The following TCEA3 variants were observed in gnomAD, a reference collection of about 807,000 sequenced individuals.
TCEA3 encodes transcription elongation factor A3, also known as transcription elongation factor A protein 3.
Under a neutral mutation model 44.0 loss-of-function variants are expected in TCEA3, and 36 were observed. The observed-to-expected ratio is 0.82, with a 90% CI of 0.63 to 1.08. The LOEUF (loss-of-function observed/expected upper bound fraction) is 1.08, where lower values mean the gene tolerates loss of function less well. Ranked by LOEUF, TCEA3 falls within the 50% of genes least tolerant of loss-of-function variation. The pLI, the probability that TCEA3 is intolerant of heterozygous loss-of-function variation, is 0.00. For synonymous variants in TCEA3, 162 were observed against 159.7 expected, an observed-to-expected ratio of 1.01 and a Z score of -0.11; for missense variants, 392 against 441.2, an observed-to-expected ratio of 0.89 and a Z score of 1.00.
At position 23,402,760 on chromosome 1, in the gene TCEA3, C is replaced by T. The variant is rs1343678917; in HGVS notation, c.444-4805G>A. Among the ~76,000 whole-genome samples, 4 of 152,142 alleles carry T rather than the reference C, an allele frequency of 2.6e-5. No homozygotes were observed. The South Asian group carries it at 6.2e-4, about 24-fold the overall frequency. On this transcript the variant is annotated intron_variant, in intron 5 of 10. Coordinates refer to ENST00000450454, the MANE Select transcript of TCEA3 (RefSeq NM_003196.3). ...GATTACAGGCTCCAGAGTATTGGGA[C>T]CCTGTCACGGGTTCACCACTGCATT...
At chr1:23,416,677 A>G (rs1639897802) in intron 4 of TCEA3, among the ~76,000 whole-genome samples, 1 of 151,942 alleles carries the variant, frequency 6.6e-6, no homozygotes, top group African/African-American at 2.4e-5. Context: ...TTTTTTGTAG[A>G]GGCGGAGTTT....
chr1:23,396,824 C>T (rs983344776), intron 7 of TCEA3, among the ~76,000 whole-genome samples: 10 of 151,892 alleles, frequency 6.6e-5, no homozygotes, highest in African/African-American at 1.9e-4. Flanking sequence ...TGACCAACAT[C>T]GTGAAACCCC....
chr1:23,384,534 C>A lies in TCEA3; in HGVS notation c.967-117G>T, dbSNP rs1004916245. The A allele has an allele frequency of 7.5e-5, 77 of 1,029,270 alleles. 1 individual carries two copies. The highest frequency in any genetic ancestry group is 4.6e-4 in the South Asian group (27 of 59,196). The allele number at this position is 1,029,270 out of a possible 1,614,324, so 63.8% of individuals were successfully genotyped here. ...GAGGTTGGCACTGAGATTCCCACCC[C>A]CCGCTGGCAATTTCCTTATCACTGA... On this transcript the variant is annotated intron_variant, in intron 9 of 10. Transcript: ENST00000450454.
At chr1:23,415,784 T>C (rs1347044553) in intron 4 of TCEA3, among the ~76,000 whole-genome samples, 3 of 152,170 alleles carry the variant, frequency 2.0e-5, no homozygotes, top group Admixed American at 6.5e-5. Flanking sequence ...TAGGATACAC[T>C]TGCAAAATGA....
intron 1 of TCEA3, among the ~76,000 whole-genome samples, chr1:23,420,023 C>T (rs1259015605): frequency 6.6e-6 from 1 of 152,188 alleles, no homozygotes; most frequent in Non-Finnish European, 1.5e-5. Flanking sequence ...TCTAATCCAT[C>T]CCTCCCCATC....
intron 5 of TCEA3, among the ~76,000 whole-genome samples, chr1:23,399,162 A>ATG (rs1639318771): frequency 1.6e-5 from 2 of 124,384 alleles, no homozygotes; most frequent in African/African-American, 6.5e-5. Context: ...ATATATATAT[A>ATG]TATATATATA....
At chr1:23,393,244 A>G (rs1401056841) in intron 8 of TCEA3, among the ~76,000 whole-genome samples, 1 of 152,154 alleles carries the variant, frequency 6.6e-6, no homozygotes, top group Non-Finnish European at 1.5e-5. Context: ...GTAAATACAG[A>G]TGAAGCTTCG....
intron 4 of TCEA3, chr1:23,410,946 G>A (rs1449940468): frequency 5.6e-6 from 1 of 178,238 alleles, no homozygotes; most frequent in Non-Finnish European, 1.2e-5. Context: ...ACTTGGACAA[G>A]TGGGTTAGGA....
chr1:23,394,828 C>T (rs190037630), intron 7 of TCEA3, among the ~76,000 whole-genome samples: 22 of 152,340 alleles, frequency 1.4e-4, no homozygotes, highest in African/African-American at 3.6e-4. Context: ...CCCCTCCTGA[C>T]GGTAACTCTC....
chr1:23,399,144 G>GTATGTATATATA lies in TCEA3; in HGVS notation c.444-1190_444-1189insTATATATACATA, dbSNP rs1553167291. ...GTTTTGTTTATATATATGTATATAT[G>GTATGTATATATA]TATATATATATATATATATATATAT... On this transcript the variant is annotated intron_variant, in intron 5 of 10. Coordinates refer to ENST00000450454, the MANE Select transcript of TCEA3 (RefSeq NM_003196.3). 6.5e-5 allele frequency among the ~76,000 whole-genome samples: 4 copies of GTATGTATATATA among 61,166 alleles called. No individual in the cohort carries two copies. In the East Asian group the frequency reaches 1.5e-3, roughly 22 times the overall value. 40.1% of individuals were successfully genotyped at this position (61,166 alleles called of 152,430 possible).
intron 4 of TCEA3, among the ~76,000 whole-genome samples, chr1:23,416,226 G>A (rs1162495764): frequency 3.3e-5 from 5 of 152,004 alleles, no homozygotes; most frequent in East Asian, 1.9e-4. Context: ...GGCTGGTCTC[G>A]AACTCCCAAC....
rs571313273 is a variant in TCEA3, at chr1:23,382,761, G to A, written c.1039-1287C>T. The stretch of plus-strand genomic sequence containing the variant: ...TTATAGATGAGGAAATCCAGGCTTA[G>A]TGAGTTCAGGTCACTGAGTTAAGTC... On this transcript the variant is annotated intron_variant, in intron 10 of 10. Transcript: ENST00000450454. 3.9e-5 allele frequency among the ~76,000 whole-genome samples: 6 copies of A among 152,348 alleles called. No individual in the cohort carries two copies. In the South Asian group the frequency reaches 1.0e-3, roughly 26 times the overall value.
intron 6 of TCEA3, 80 bp downstream of exon 6, chr1:23,397,712 A>T: frequency 1.2e-6 from 2 of 1,609,510 alleles, no homozygotes; most frequent in Non-Finnish European, 1.7e-6. Flanking sequence ...GTGCTGAGAA[A>T]GACTGAATTT....
chr1:23,386,724 ATT>A (rs35510531), intron 9 of TCEA3, among the ~76,000 whole-genome samples: 2,809 of 149,852 alleles, frequency 0.019, 94 homozygotes, highest in African/African-American at 0.064. Context: ...TGCCTGGCTA[ATT>A]TTTTTTTTCT....
At chr1:23,384,549 C>T (rs1039847742) in intron 9 of TCEA3, 132 bp from the exon 10 acceptor site, 16 of 856,140 alleles carry the variant, frequency 1.9e-5, no homozygotes, top group Non-Finnish European at 2.5e-5. Flanking sequence ...TGGCAATTTC[C>T]TTATCACTGA....
At chr1:23,387,515 C>T in intron 8 of TCEA3, 96 bp from the exon 9 acceptor site, 2 of 1,386,850 alleles carry the variant, frequency 1.4e-6, no homozygotes, top group Non-Finnish European at 9.7e-7. Flanking sequence ...AAGGAGGTAA[C>T]ATGCTTTATT....
rs1042302518 is a variant in TCEA3, at chr1:23,386,861, C to G, written c.966+412G>C. On this transcript the variant is annotated intron_variant, in intron 9 of 10. Coordinates refer to ENST00000450454, the MANE Select transcript of TCEA3 (RefSeq NM_003196.3). ...TCAGCCTCCTGAGTAGCTGGGACTA[C>G]AGGTGCCCGCCACCACACCCTGCTA... Among the ~76,000 whole-genome samples, 5 of 152,318 alleles carry G rather than the reference C, an allele frequency of 3.3e-5. No individual in the cohort carries two copies. The East Asian group carries it at 9.6e-4, about 29-fold the overall frequency.
At chr1:23,405,477 T>C (rs189499224) in intron 5 of TCEA3, among the ~76,000 whole-genome samples, 5 of 152,148 alleles carry the variant, frequency 3.3e-5, no homozygotes, top group Admixed American at 1.3e-4. Context: ...ATGCCTGTAG[T>C]CCCAGCTACT....
chr1:23,412,278 T>G (rs764766407), intron 4 of TCEA3: 2 of 151,982 alleles, frequency 1.3e-5, no homozygotes, highest in African/African-American at 2.4e-5. Flanking sequence ...TTTGCACCCA[T>G]AGTCCCAGCT....
Sources: allele counts gnomAD v4.1 joint callset (sites outside exome capture counted in the v4.1 genomes callset), GRCh38; gene constraint gnomAD v4.1.1; transcripts MANE v1.5; gene names NCBI Gene and HGNC (gene_info 2026-07-23, HGNC 2026-07-21).